PARD3B: variants seen among roughly 807,000 people sequenced by gnomAD.
PARD3B encodes par-3 family cell polarity regulator beta.
Under a neutral mutation model 130.2 loss-of-function variants are expected in PARD3B, and 103 were observed. That is an observed-to-expected ratio of 0.79 (90% CI 0.67 to 0.93). The LOEUF (loss-of-function observed/expected upper bound fraction) is 0.93. Among genes scored for constraint, PARD3B ranks in the 40% least tolerant of loss-of-function variants. The probability of loss-of-function intolerance (pLI) is 0.00; values close to 1 mark genes in which losing one functional copy is unlikely to be tolerated. For synonymous variants in PARD3B, 583 were observed against 553.2 expected (o/e 1.05, Z -0.76); for missense variants, 1,609 against 1,499.2 (o/e 1.07, Z -1.21).
intron 2 of PARD3B, among the ~76,000 whole-genome samples, chr2:204,895,402 T>C (rs2046605479): frequency 6.6e-6 from 1 of 152,110 alleles, no homozygotes; most frequent in East Asian, 1.9e-4. Flanking sequence ...ACTCAGAATA[T>C]AATTTAGATA....
rs576359856 is a variant in PARD3B, at chr2:205,511,659, A to G, written c.3180+11628A>G. Among the ~76,000 whole-genome samples, 12 of 152,334 alleles carry G rather than the reference A, an allele frequency of 7.9e-5. No homozygotes were observed. The South Asian group carries it at 2.3e-3, about 29-fold the overall frequency. On this transcript the variant is annotated intron_variant, in intron 21 of 22. Coordinates refer to ENST00000406610, the MANE Select transcript of PARD3B (RefSeq NM_001302769.2). The stretch of plus-strand genomic sequence containing the variant: ...GTTTAAAATCAGTTGGGTACATTTT[A>G]TTTTAGCAGTGCTTAAATGTTCTAA...
intron 1 of PARD3B, among the ~76,000 whole-genome samples, chr2:204,653,867 T>A (rs1408796705): frequency 1.3e-5 from 2 of 150,950 alleles, no homozygotes; most frequent in Non-Finnish European, 2.9e-5. Flanking sequence ...TTTAACCTAA[T>A]GAAGCACTGG....
At chr2:204,962,346 C>T (rs895102408) in intron 2 of PARD3B, among the ~76,000 whole-genome samples, 31 of 152,060 alleles carry the variant, frequency 2.0e-4, no homozygotes, top group African/African-American at 7.0e-4. Context: ...GTTACTGCAG[C>T]CCCTGAGGTG....
At chr2:204,549,926 T>TAA (rs66967039) in intron 1 of PARD3B, among the ~76,000 whole-genome samples, 2 of 151,124 alleles carry the variant, frequency 1.3e-5, no homozygotes, top group African/African-American at 4.9e-5. Flanking sequence ...CTTTTCTCAT[T>TAA]AAAAAAAAAC....
intron 20 of PARD3B, among the ~76,000 whole-genome samples, chr2:205,495,960 G>T (rs1052463525): frequency 6.6e-6 from 1 of 152,092 alleles, no homozygotes; most frequent in African/African-American, 2.4e-5. Flanking sequence ...ATTAGTAGTG[G>T]CTTTCTGAGG....
intron 2 of PARD3B, among the ~76,000 whole-genome samples, chr2:204,922,351 C>T (rs980721176): frequency 9.2e-5 from 14 of 151,872 alleles, no homozygotes; most frequent in African/African-American, 3.4e-4. Context: ...AGCAATTGTA[C>T]AGAAAAGGGA....
chr2:205,234,697 T>C (rs1158029293), intron 15 of PARD3B, among the ~76,000 whole-genome samples: 1 of 152,172 alleles, frequency 6.6e-6, no homozygotes, highest in African/African-American at 2.4e-5. Context: ...TTGACCTAAT[T>C]AACGTTTATA....
rs557978020 is a variant in PARD3B at position 205,443,411 on chromosome 2, A to G, written c.3044+2739A>G. ...AGAAAGCTTTAGGGAAGATAGAGAG[A>G]TGATTAAGAAACAGTCCCAGGCCAG... On this transcript the variant is annotated intron_variant, in intron 20 of 22. Transcript: ENST00000406610. Among the ~76,000 whole-genome samples the G allele has an allele frequency of 4.1e-4, 62 of 152,316 alleles. 1 individual carries two copies. Among genetic ancestry groups the G allele is most frequent in the African/African-American group, 1.1e-3 (46 of 41,566 alleles).
intron 2 of PARD3B, among the ~76,000 whole-genome samples, chr2:204,961,346 A>G (rs1326671681): frequency 6.6e-6 from 1 of 152,096 alleles, no homozygotes; most frequent in Non-Finnish European, 1.5e-5. Flanking sequence ...GAAGTGGTCA[A>G]ATAGAGTGTA....
rs1290245166 is a variant in PARD3B, at chr2:205,091,845, A to G, written c.505-12581A>G. Among the ~76,000 whole-genome samples, 1 of 152,084 alleles carries G rather than the reference A, an allele frequency of 6.6e-6. No individual in the cohort carries two copies. Among genetic ancestry groups the G allele is most frequent in the Non-Finnish European group, 1.5e-5 (1 of 68,016 alleles). On this transcript the variant is annotated intron_variant, in intron 4 of 22. Transcript: ENST00000406610. This position sits in a 1 kb window ranked among gnomAD's most constrained non-coding sequence, Gnocchi z 4.2. ...ATGGACTCTTCAGAGCAAAAAGTGTATACATTTTTTCATCTCTGTATCTCC... is the reference window on the plus strand; with the variant it reads ...ATGGACTCTTCAGAGCAAAAAGTGTGTACATTTTTTCATCTCTGTATCTCC...
At chr2:204,802,593 A>G (rs1344599369) in intron 2 of PARD3B, among the ~76,000 whole-genome samples, 2 of 152,286 alleles carry the variant, frequency 1.3e-5, no homozygotes, top group South Asian at 2.1e-4. Context: ...AACTAACCCA[A>G]ATGCCCATCA....
In PARD3B at chr2:205,151,300, CA is replaced by C. The variant is rs564119032; in HGVS notation, c.1435-7420del. 2.0e-4 allele frequency among the ~76,000 whole-genome samples: 30 copies of C among 152,220 alleles called. No individual in the cohort carries two copies. In the East Asian group the frequency reaches 5.6e-3, roughly 28 times the overall value. On this transcript the variant is annotated intron_variant, in intron 10 of 22. Transcript: ENST00000406610. Reference sequence around the variant, plus strand: ...GGTCTGTTTGGTGCAGAGCTGAGTTCAACTCCTGGATATCCTTGTTAACTTT... The same window carrying C: ...GGTCTGTTTGGTGCAGAGCTGAGTTCACTCCTGGATATCCTTGTTAACTTT...
intron 1 of PARD3B, among the ~76,000 whole-genome samples, chr2:204,583,724 T>C (rs1372614216): frequency 1.3e-5 from 2 of 151,988 alleles, no homozygotes; most frequent in Non-Finnish European, 2.9e-5. Context: ...CCTCGGGTTA[T>C]TACATAAAGA....
chr2:204,693,527 G>A (rs2037450612), intron 2 of PARD3B, among the ~76,000 whole-genome samples: 1 of 152,038 alleles, frequency 6.6e-6, no homozygotes, highest in Non-Finnish European at 1.5e-5. Context: ...GAAGTGTTCA[G>A]GAGAGCACCT....
chr2:205,016,729 TTGAC>T lies in PARD3B; in HGVS notation c.395-30849_395-30846del, dbSNP rs199504718. Among the ~76,000 whole-genome samples, 392 of 152,280 alleles carry T rather than the reference TTGAC, an allele frequency of 2.6e-3. 3 individuals are homozygous for T. Among genetic ancestry groups the T allele is most frequent in the African/African-American group, 9.1e-3 (379 of 41,562 alleles). ...TGCCTGTCTGACTTCTGTGTTTACT[TTGAC>T]TGGCCTCTTTGAACTTGGACCACTG... is the stretch of plus-strand genomic sequence containing the variant. On this transcript the variant is annotated intron_variant, in intron 3 of 22. Transcript: ENST00000406610.
At chr2:204,805,953 A>G (rs963160255) in intron 2 of PARD3B, among the ~76,000 whole-genome samples, 2 of 152,032 alleles carry the variant, frequency 1.3e-5, no homozygotes, top group African/African-American at 4.8e-5. Context: ...CACAGCTACT[A>G]TCATATTATG....
rs2031708878 is a variant in PARD3B, at chr2:205,128,785, C to G, written c.1434+3048C>G. Among the ~76,000 whole-genome samples the G allele has an allele frequency of 6.6e-6, 1 of 152,114 alleles. No homozygotes were observed. The highest frequency in any genetic ancestry group is 6.5e-5 in the Admixed American group (1 of 15,270). On this transcript the variant is annotated intron_variant, in intron 10 of 22. Transcript: ENST00000406610. The surrounding 1 kb of genome is among the most constrained non-coding windows in gnomAD (Gnocchi z 4.5). ...ATGCAGCCTTGCCTGGGACTAACCA[C>G]TATTTTTGAACAATGATTGTTTTAT...
chr2:204,802,667 A>G (rs541120672), intron 2 of PARD3B, among the ~76,000 whole-genome samples: 1 of 152,312 alleles, frequency 6.6e-6, no homozygotes, highest in South Asian at 2.1e-4. Flanking sequence ...AGCTGTAAAA[A>G]AGGATGAGTT....
intron 6 of PARD3B, among the ~76,000 whole-genome samples, chr2:205,115,601 A>G (rs910175877): frequency 3.9e-5 from 6 of 152,202 alleles, no homozygotes; most frequent in African/African-American, 1.4e-4. Context: ...TATTATAGGA[A>G]GGAAATTTAA....
Sources: gnomAD v4.1 joint callset for allele counts (sites outside exome capture counted in the v4.1 genomes callset) on GRCh38, gnomAD v4.1.1 for gene constraint, Gnocchi (gnomAD v3.1) non-coding constraint, MANE v1.5 for transcripts, NCBI Gene and HGNC (gene_info 2026-07-23, HGNC 2026-07-21) for gene names.